AGAP1: variants seen among roughly 807,000 people sequenced by gnomAD.
The protein encoded by AGAP1 is arf-GAP with GTPase, ANK repeat and PH domain-containing protein 1.
AGAP1 carries 29 observed loss-of-function variants against 105.3 expected under a neutral mutation model. That is an observed-to-expected ratio of 0.28 (90% CI 0.21 to 0.38). The LOEUF (loss-of-function observed/expected upper bound fraction) is 0.38, where lower values mean the gene tolerates loss of function less well. Among genes scored for constraint, AGAP1 ranks in the 10% least tolerant of loss-of-function variants. AGAP1 has a pLI of 1.00. For missense variants in AGAP1, 998 were observed against 1,165.1 expected (o/e 0.86, Z 2.09); for synonymous variants, 509 against 485.9 (o/e 1.05, Z -0.63).
chr2:235,683,096 C>T (rs112490606), intron 1 of AGAP1, among the ~76,000 whole-genome samples: 7,467 of 152,148 alleles, frequency 0.049, 578 homozygotes, highest in African/African-American at 0.17. Flanking sequence ...CACTTGAGGC[C>T]AGGAGTTCGA....
In AGAP1 at chr2:236,092,271, C is replaced by T. The variant is rs1474447694; in HGVS notation, c.2115-27921C>T. Among the ~76,000 whole-genome samples the T allele has an allele frequency of 6.6e-6, 1 of 152,192 alleles. No individual in the cohort carries two copies. Among genetic ancestry groups the T allele is most frequent in the African/African-American group, 2.4e-5 (1 of 41,446 alleles). On this transcript the variant is annotated intron_variant, in intron 16 of 17. Transcript: ENST00000304032. This position sits in a 1 kb window ranked among gnomAD's most constrained non-coding sequence, Gnocchi z 4.7. ...AGGAAAATCGGAAATGTGGACAAGC[C>T]AGGTGGGTTGTATCCATATCCTATG...
intron 1 of AGAP1, among the ~76,000 whole-genome samples, chr2:235,541,350 C>T (rs1248159645): frequency 6.7e-6 from 1 of 149,278 alleles, no homozygotes; most frequent in Non-Finnish European, 1.5e-5. Flanking sequence ...ATCTTCTGTC[C>T]ATTATTTCCT....
chr2:235,612,612 A>T lies in AGAP1; in HGVS notation c.164-96567A>T, dbSNP rs78817670. ...CTGACTCCTTAGAACCTGCAAATGCATGAAACTCATGTTAAGAACAGTTGT... is the reference window on the plus strand; with the variant it reads ...CTGACTCCTTAGAACCTGCAAATGCTTGAAACTCATGTTAAGAACAGTTGT... On this transcript the variant is annotated intron_variant, in intron 1 of 17. Coordinates refer to ENST00000304032, the MANE Select transcript of AGAP1 (RefSeq NM_001037131.3). This position sits in a 1 kb window ranked among gnomAD's most constrained non-coding sequence, Gnocchi z 4.3. Among the ~76,000 whole-genome samples, 1 of 152,194 alleles carries T rather than the reference A, an allele frequency of 6.6e-6. No homozygotes were observed. Among genetic ancestry groups the T allele is most frequent in the African/African-American group, 2.4e-5 (1 of 41,438 alleles).
rs760861018 is a variant in AGAP1 at position 235,930,894 on chromosome 2, C to T, written c.1454C>T (p.Thr485Met). 13 of 1,613,880 alleles carry T rather than the reference C, an allele frequency of 8.1e-6. No homozygotes were observed. Among genetic ancestry groups the T allele is most frequent in the African/African-American group, 4.0e-5 (3 of 74,918 alleles). ...VSSADQWSEA[T>M]VIANSAISSD... is the part of the protein sequence containing the mutation. ...AGTGCCGACCAGTGGAGTGAGGCTA[C>T]GGTCATTGCAAACTCGGCCATCAGC... Residue 485 changes from threonine to methionine, a missense_variant, in exon 12 of 18, where the codon ACG becomes ATG. By Grantham distance (81) the Thr-to-Met change is moderately conservative (BLOSUM62 -1). Coordinates refer to ENST00000304032, the MANE Select transcript of AGAP1 (RefSeq NM_001037131.3). The surrounding 1 kb of genome is among the most constrained non-coding windows in gnomAD (Gnocchi z 7.9).
In AGAP1 at chr2:236,082,391, T is replaced by C. The variant is rs1053480460; in HGVS notation, c.2114+33110T>C. ...CTTCCAGCTGCGACCAGCAGGGTCATTAATTAGGCATGTGGTGGGAGCTCA... is the reference window on the plus strand; with the variant it reads ...CTTCCAGCTGCGACCAGCAGGGTCACTAATTAGGCATGTGGTGGGAGCTCA... On this transcript the variant is annotated intron_variant, in intron 16 of 17. Transcript: ENST00000304032. The surrounding 1 kb of genome is among the most constrained non-coding windows in gnomAD (Gnocchi z 4.2). Among the ~76,000 whole-genome samples, 1 of 152,204 alleles carries C rather than the reference T, an allele frequency of 6.6e-6. No homozygotes were observed. Among genetic ancestry groups the C allele is most frequent in the African/African-American group, 2.4e-5 (1 of 41,440 alleles).
intron 1 of AGAP1, among the ~76,000 whole-genome samples, chr2:235,619,919 C>A (rs1946422080): frequency 6.6e-6 from 1 of 152,106 alleles, no homozygotes. Context: ...GCTTGGTTTT[C>A]CTGAGCCTTG....
In AGAP1 at chr2:235,842,390, A is replaced by G. The variant is rs528790828; in HGVS notation, c.1050+35059A>G. On this transcript the variant is annotated intron_variant, in intron 9 of 17. Coordinates refer to ENST00000304032, the MANE Select transcript of AGAP1 (RefSeq NM_001037131.3). The surrounding 1 kb of genome is among the most constrained non-coding windows in gnomAD (Gnocchi z 5.3). ...CCCTCAAAATCACAGACATGTTCACAGCGCATTGCCGTTGTCCCAGATAAT... is the reference window on the plus strand; with the variant it reads ...CCCTCAAAATCACAGACATGTTCACGGCGCATTGCCGTTGTCCCAGATAAT... 6.6e-6 allele frequency among the ~76,000 whole-genome samples: 1 copy of G among 152,362 alleles called. No individual in the cohort carries two copies. The highest frequency in any genetic ancestry group is 1.5e-5 in the Non-Finnish European group (1 of 68,032).
rs1159079018 is a variant in AGAP1 at position 236,128,077 on chromosome 2, C to A, written c.*3955C>A. The stretch of plus-strand genomic sequence containing the variant: ...GGCTGTGATGGGCACGTTTGCCAAC[C>A]CCCCCCCCCCAGTAGAGCCCAGGAC... On this transcript the variant is annotated 3_prime_UTR_variant, in exon 18 of 18. Transcript: ENST00000304032. The surrounding 1 kb of genome is among the most constrained non-coding windows in gnomAD (Gnocchi z 5.9). 4 of 106,196 alleles carry A rather than the reference C, an allele frequency of 3.8e-5. No individual in the cohort carries two copies. The highest frequency in any genetic ancestry group is 5.9e-5 in the African/African-American group (2 of 34,126). The allele number at this position is 106,196 out of a possible 1,614,324, so 6.6% of individuals were successfully genotyped here.
chr2:236,080,679 C>T lies in AGAP1; in HGVS notation c.2114+31398C>T, dbSNP rs2058758015. On this transcript the variant is annotated intron_variant, in intron 16 of 17. Transcript: ENST00000304032. The surrounding 1 kb of genome is among the most constrained non-coding windows in gnomAD (Gnocchi z 4.2). Reference sequence around the variant, plus strand: ...GGTTTAAAGTAACACGGAAGTATTCCATTACAGTTCTGGAGGTCAGAAGTC... The same window carrying T: ...GGTTTAAAGTAACACGGAAGTATTCTATTACAGTTCTGGAGGTCAGAAGTC... 6.6e-6 allele frequency among the ~76,000 whole-genome samples: 1 copy of T among 152,162 alleles called. No individual in the cohort carries two copies. The highest frequency in any genetic ancestry group is 6.5e-5 in the Admixed American group (1 of 15,270).
chr2:236,118,494 A>C (rs1207755758), intron 16 of AGAP1, among the ~76,000 whole-genome samples: 1 of 144,698 alleles, frequency 6.9e-6, no homozygotes, highest in East Asian at 2.0e-4. Context: ...GGTTCAAGCC[A>C]TTCTCCTACC....
intron 13 of AGAP1, among the ~76,000 whole-genome samples, chr2:235,972,578 C>T (rs1052352606): frequency 6.6e-6 from 1 of 152,174 alleles, no homozygotes; most frequent in African/African-American, 2.4e-5. Context: ...AGAAAGAGAC[C>T]TGTCCGGCTG....
rs1392171776 is a variant in AGAP1 at position 235,734,054 on chromosome 2, AT to A, written c.311-6906del. Among the ~76,000 whole-genome samples, 1 of 152,196 alleles carries A rather than the reference AT, an allele frequency of 6.6e-6. No homozygotes were observed. The highest frequency in any genetic ancestry group is 1.5e-5 in the Non-Finnish European group (1 of 68,020). On this transcript the variant is annotated intron_variant, in intron 3 of 17. Coordinates refer to ENST00000304032, the MANE Select transcript of AGAP1 (RefSeq NM_001037131.3). This position sits in a 1 kb window ranked among gnomAD's most constrained non-coding sequence, Gnocchi z 5.3. Reference sequence around the variant, plus strand: ...AATGAGCCAAACTTATTTTTTACAAATTTCTGGCGCATTCATGATTGAAATT... The same window carrying A: ...AATGAGCCAAACTTATTTTTTACAAATTCTGGCGCATTCATGATTGAAATT...
intron 9 of AGAP1, among the ~76,000 whole-genome samples, chr2:235,808,044 GA>G (rs71938119): frequency 0.25 from 36,597 of 144,462 alleles, 5,221 homozygotes; most frequent in Admixed American, 0.41. Flanking sequence ...TCTCCAATAA[GA>G]AAAAAAAAAA....
At chr2:236,122,533 CT>C in intron 17 of AGAP1, among the ~76,000 whole-genome samples, 1 of 152,250 alleles carries the variant, frequency 6.6e-6, no homozygotes, top group Non-Finnish European at 1.5e-5. Flanking sequence ...TGAATTCACT[CT>C]TTTTCATGAG....
Position 236,120,351 on chromosome 2 carries a change from C to T in AGAP1, c.2274C>T (p.Asp758=), listed in dbSNP as rs61744659. ...TGCTGCTGGCACACGGCTCCCGGGA[C>T]GAGGTGAACGAGACCTGCGGGGAGG... ...AILLLAHGSR[D]EVNETCGEGD... is the part of the protein sequence containing the mutation. Residue 758 remains aspartate (D), a synonymous_variant, in exon 17 of 18, where the codon GAC becomes GAT. Transcript: ENST00000304032. The surrounding 1 kb of genome is among the most constrained non-coding windows in gnomAD (Gnocchi z 6.0). The T allele has an allele frequency of 5.6e-4, 905 of 1,611,898 alleles. 2 individuals carry two copies. The African/African-American group carries it at 0.01, about 18-fold the overall frequency.
chr2:236,034,750 C>A (rs1487042940), intron 13 of AGAP1, among the ~76,000 whole-genome samples: 1 of 152,234 alleles, frequency 6.6e-6, no homozygotes, highest in African/African-American at 2.4e-5. Context: ...TCAGGCCCGA[C>A]CTCCACTCAG....
At chr2:235,562,236 T>C (rs1414654363) in intron 1 of AGAP1, among the ~76,000 whole-genome samples, 2 of 152,198 alleles carry the variant, frequency 1.3e-5, no homozygotes, top group Non-Finnish European at 2.9e-5. Flanking sequence ...TCTCATGCCT[T>C]GATAAGCAGT....
intron 1 of AGAP1, among the ~76,000 whole-genome samples, chr2:235,673,050 C>G (rs747902814): frequency 2.0e-5 from 3 of 152,168 alleles, no homozygotes; most frequent in Non-Finnish European, 2.9e-5. Flanking sequence ...TAGGGCCTCA[C>G]TTTTTTCTGA....
Position 235,792,646 on chromosome 2 carries a change from C to T in AGAP1, c.674-5113C>T, listed in dbSNP as rs949228758. ...TTTCTGAGAAACTCTGGTGGTTGAA[C>T]CAATCATCTGTTAGGTCTGTTCTGT... On this transcript the variant is annotated intron_variant, in intron 6 of 17. Transcript: ENST00000304032. The surrounding 1 kb of genome is among the most constrained non-coding windows in gnomAD (Gnocchi z 5.3). Among the ~76,000 whole-genome samples, 1 of 152,164 alleles carries T rather than the reference C, an allele frequency of 6.6e-6. No homozygotes were observed. The highest frequency in any genetic ancestry group is 2.4e-5 in the African/African-American group (1 of 41,448).
Sources: allele counts gnomAD v4.1 joint callset (sites outside exome capture counted in the v4.1 genomes callset), GRCh38; gene constraint gnomAD v4.1.1; non-coding constraint Gnocchi (gnomAD v3.1); transcripts MANE v1.5; gene names NCBI Gene and HGNC (gene_info 2026-07-23, HGNC 2026-07-21).